Variants in HMCN1 observed in about 807,000 individuals in gnomAD.
HMCN1 encodes the protein hemicentin-1.
HMCN1 carries 321 observed loss-of-function variants against 625.9 expected under a neutral mutation model. The ratio of observed to expected loss-of-function variants is 0.51; its 90% CI spans 0.47 to 0.56. The LOEUF (loss-of-function observed/expected upper bound fraction) is 0.56, where lower values mean the gene tolerates loss of function less well. Among genes scored for constraint, HMCN1 ranks in the 20% least tolerant of loss-of-function variants. The pLI is 0.00. For synonymous variants in HMCN1, 2,425 were observed against 2,417.6 expected, an observed-to-expected ratio of 1.00 and a Z score of -0.09; for missense variants, 6,588 against 6,887.3, an observed-to-expected ratio of 0.96 and a Z score of 1.54.
chr1:186,117,583 A>T lies in HMCN1; in HGVS notation c.11808A>T (p.Arg3936Ser), dbSNP rs144330600. 31 of 1,613,876 alleles carry T rather than the reference A, an allele frequency of 1.9e-5. No individual in the cohort carries two copies. In the African/African-American group the frequency reaches 4.0e-4, roughly 21 times the overall value. The change falls in exon 77 of 107, where the codon AGA (arginine) becomes AGT (serine). Residue 3936 changes from arginine (R) to serine (S), a missense_variant. By Grantham distance (110) the Arg-to-Ser change is moderately radical. This residue lies in a region of HMCN1 where 4,628 missense variants were observed against 4,853.1 expected (regional missense o/e 0.95). Transcript: ENST00000271588. ...PSIHWTKNGI[R>S]LLPRGDGYRI... ...TTCACTGGACCAAAAATGGTATAAG[A>T]CTGCTTCCCAGGGGAGATGGCTATA...
intron 1 of HMCN1, among the ~76,000 whole-genome samples, chr1:185,779,722 C>G (rs984090131): frequency 6.6e-6 from 1 of 152,134 alleles, no homozygotes; most frequent in African/African-American, 2.4e-5. Flanking sequence ...GTTTTGATAC[C>G]AGTACCATGC....
At chr1:186,054,805 A>C (rs1350003636) in intron 44 of HMCN1, among the ~76,000 whole-genome samples, 1 of 151,952 alleles carries the variant, frequency 6.6e-6, no homozygotes, top group East Asian at 1.9e-4. Flanking sequence ...TTGTGGTATC[A>C]ATTCCACATG....
chr1:185,788,376 A>G (rs1361982585), intron 1 of HMCN1, among the ~76,000 whole-genome samples: 3 of 152,370 alleles, frequency 2.0e-5, no homozygotes, highest in East Asian at 3.9e-4. Context: ...TTAATATTAC[A>G]TTAGAATACA....
chr1:186,009,664 A>G (rs1653869438), intron 30 of HMCN1, among the ~76,000 whole-genome samples: 1 of 152,166 alleles, frequency 6.6e-6, no homozygotes, highest in Non-Finnish European at 1.5e-5. Flanking sequence ...TTGTGCCTGA[A>G]TAAGGAAAGA....
chr1:186,001,906 AT>A (rs1558132774), intron 28 of HMCN1, among the ~76,000 whole-genome samples, 165 bp downstream of exon 28: 1 of 152,064 alleles, frequency 6.6e-6, no homozygotes, highest in East Asian at 1.9e-4. Context: ...ACCATATGAT[AT>A]AGAAATTTTA....
intron 39 of HMCN1, 59 bp downstream of exon 39, chr1:186,039,938 C>A (rs1343917112): frequency 1.3e-6 from 2 of 1,499,350 alleles, no homozygotes; most frequent in Non-Finnish European, 9.3e-7. Context: ...ACAGGAAGTA[C>A]ACACAGGTAA....
At chr1:185,979,964 T>C (rs990524777) in intron 16 of HMCN1, among the ~76,000 whole-genome samples, 2 of 152,130 alleles carry the variant, frequency 1.3e-5, no homozygotes, top group Non-Finnish European at 2.9e-5. Flanking sequence ...AGCCCACCTC[T>C]TCAACTTCAG....
chr1:185,900,473 A>G (rs1665740545), intron 4 of HMCN1, among the ~76,000 whole-genome samples: 1 of 151,968 alleles, frequency 6.6e-6, no homozygotes, highest in Admixed American at 6.6e-5. Context: ...GCCAGATTTT[A>G]AAAGCCATAT....
intron 11 of HMCN1, among the ~76,000 whole-genome samples, chr1:185,949,279 C>A (rs1668515877): frequency 1.3e-5 from 2 of 151,634 alleles, no homozygotes; most frequent in South Asian, 4.2e-4. Flanking sequence ...TATGACTAGA[C>A]AGAAGATAGT....
At chr1:185,876,724 G>C (rs1311867400) in intron 4 of HMCN1, among the ~76,000 whole-genome samples, 1 of 151,770 alleles carries the variant, frequency 6.6e-6, no homozygotes, top group Non-Finnish European at 1.5e-5. Flanking sequence ...AGAACTATCT[G>C]TTCATATCCT....
intron 1 of HMCN1, among the ~76,000 whole-genome samples, chr1:185,830,824 G>A (rs1660812028): frequency 6.6e-6 from 1 of 152,010 alleles, no homozygotes; most frequent in African/African-American, 2.4e-5. Flanking sequence ...GGAGGTGGAG[G>A]TTGCAGCGAA....
At position 185,780,210 on chromosome 1, in the gene HMCN1, T is replaced by A. The variant is rs547439490; in HGVS notation, c.268+45163T>A. Among the ~76,000 whole-genome samples, 765 of 152,348 alleles carry A rather than the reference T, an allele frequency of 5.0e-3. 3 individuals carry two copies. The highest frequency in any genetic ancestry group is 9.5e-3 in the Non-Finnish European group (647 of 68,036). On this transcript the variant is annotated intron_variant, in intron 1 of 106. Coordinates refer to ENST00000271588, the MANE Select transcript of HMCN1 (RefSeq NM_031935.3). ...GTGCATTGATTTTGTATCCTGAGAC[T>A]TTGCTGAAGTTGCTTATCAGCTTAA...
At chr1:186,068,996 T>A (rs192603995) in intron 50 of HMCN1, among the ~76,000 whole-genome samples, 1 of 152,268 alleles carries the variant, frequency 6.6e-6, no homozygotes, top group East Asian at 1.9e-4. Flanking sequence ...TAGAATTTAG[T>A]TGATTGGCAA....
rs536503258 is a variant in HMCN1, at chr1:185,994,950, A to C, written c.3641A>C (p.Asp1214Ala). ...AAAGGTGGAAGCACTATGCTGGTTGATGGAGAGCACCATGTTAGCAATCCA... is the reference window on the plus strand; with the variant it reads ...AAAGGTGGAAGCACTATGCTGGTTGCTGGAGAGCACCATGTTAGCAATCCA... ...WSKGGSTMLV[D>A]GEHHVSNPDG... The change falls in exon 24 of 107, where the codon GAT becomes GCT. Residue 1214 changes from aspartate (D) to alanine (A), a missense_variant. Asp to Ala is a moderately radical substitution (Grantham distance 126). Coordinates refer to ENST00000271588, the MANE Select transcript of HMCN1 (RefSeq NM_031935.3). 7.4e-6 allele frequency: 12 copies of C among 1,613,800 alleles called. No individual in the cohort carries two copies. The highest frequency in any genetic ancestry group is 2.7e-5 in the African/African-American group (2 of 74,890).
chr1:185,930,722 CA>C (rs1355206010), intron 10 of HMCN1, among the ~76,000 whole-genome samples: 24 of 152,068 alleles, frequency 1.6e-4, no homozygotes, highest in African/African-American at 5.8e-4. Context: ...GTTTTAAATG[CA>C]CAACAGGTGT....
rs1558172271 is a variant in HMCN1 at position 186,045,785 on chromosome 1, TCTTA to T, written c.6406_6409del (p.Thr2136GlyfsTer2). ...AAAGTGATGCTATTCCCCCACCTACTCTTACTTGGTTAAAAGACGGCCACCCCTT... is the reference window on the plus strand; with the variant it reads ...AAAGTGATGCTATTCCCCCACCTACTCTTGGTTAAAAGACGGCCACCCCTT... On this transcript the variant is annotated frameshift_variant, in exon 41 of 107. Transcript: ENST00000271588. LOFTEE classifies it high-confidence loss of function. The T allele has an allele frequency of 6.2e-7, 1 of 1,612,788 alleles. No homozygotes were observed. The highest frequency in any genetic ancestry group is 8.5e-7 in the Non-Finnish European group (1 of 1,179,006).
intron 48 of HMCN1, among the ~76,000 whole-genome samples, chr1:186,063,479 AAGGAAGGAAGGAAG>A (rs1657903849): frequency 6.9e-6 from 1 of 145,852 alleles, no homozygotes; most frequent in Non-Finnish European, 1.5e-5. Flanking sequence ...GGAAGGAAGG[AAGGAAGGAAGGAAG>A]GAAGGAAGGA....
chr1:185,886,468 G>A (rs1335431733), intron 4 of HMCN1, among the ~76,000 whole-genome samples: 1 of 151,880 alleles, frequency 6.6e-6, no homozygotes, highest in Non-Finnish European at 1.5e-5. Context: ...GAGGATACTT[G>A]TTTCTCATTA....
intron 12 of HMCN1, 123 bp from the exon 13 acceptor site, chr1:185,963,645 C>A: frequency 1.4e-6 from 1 of 706,380 alleles, no homozygotes; most frequent in East Asian, 2.7e-5. Flanking sequence ...ACCATTTCTG[C>A]AATCGACACC....
Sources: gnomAD v4.1 joint callset for allele counts (sites outside exome capture counted in the v4.1 genomes callset) on GRCh38, gnomAD v4.1.1 for gene constraint, gnomAD v4.1.1 regional missense constraint, MANE v1.5 for transcripts, NCBI Gene and HGNC (gene_info 2026-07-23, HGNC 2026-07-21) for gene names.